CDKAL1: variants seen among roughly 807,000 people sequenced by gnomAD.
The protein encoded by CDKAL1 is CDKAL1 threonylcarbamoyladenosine tRNA methylthiotransferase, also known as threonylcarbamoyladenosine tRNA methylthiotransferase.
A neutral mutation model predicts 68.2 loss-of-function variants in CDKAL1; 32 were observed. That is an observed-to-expected ratio of 0.47 (90% CI 0.35 to 0.63). The LOEUF (loss-of-function observed/expected upper bound fraction) is 0.63. Among genes scored for constraint, CDKAL1 ranks in the 30% least tolerant of loss-of-function variants. The pLI, the probability that CDKAL1 is intolerant of heterozygous loss-of-function variation, is 0.00. For missense variants in CDKAL1, 606 were observed against 696.7 expected, an observed-to-expected ratio of 0.87 and a Z score of 1.47; for synonymous variants, 234 against 244.3, an observed-to-expected ratio of 0.96 and a Z score of 0.39.
intron 11 of CDKAL1, among the ~76,000 whole-genome samples, chr6:21,019,799 A>T (rs749057572): frequency 8.9e-4 from 135 of 152,342 alleles, no homozygotes; most frequent in Non-Finnish European, 1.4e-3. Context: ...TCATATGCTC[A>T]CAAGCCACTA....
intron 11 of CDKAL1, among the ~76,000 whole-genome samples, chr6:21,020,822 G>T (rs1216140769): frequency 2.0e-5 from 3 of 147,564 alleles, no homozygotes; most frequent in Non-Finnish European, 4.5e-5. Flanking sequence ...TGTTTCCTAG[G>T]CTTATCTTGA....
At chr6:21,036,012 T>C (rs1390996806) in intron 11 of CDKAL1, among the ~76,000 whole-genome samples, 1 of 152,046 alleles carries the variant, frequency 6.6e-6, no homozygotes, top group African/African-American at 2.4e-5. Context: ...TCCTTTGCGC[T>C]TGCATCAAGA....
At chr6:20,695,260 A>G (rs1209050130) in intron 5 of CDKAL1, among the ~76,000 whole-genome samples, 1 of 152,162 alleles carries the variant, frequency 6.6e-6, no homozygotes, top group Non-Finnish European at 1.5e-5. Context: ...CGCTGATGGG[A>G]GTATCCAGAA....
intron 9 of CDKAL1, among the ~76,000 whole-genome samples, chr6:20,862,635 TTGTGTGTG>T (rs56736298): frequency 3.4e-4 from 51 of 149,202 alleles, no homozygotes; most frequent in African/African-American, 8.5e-4. Flanking sequence ...TCTTTCCAAC[TTGTGTGTG>T]TGTGTGTGTG....
At chr6:20,875,718 C>G (rs936396618) in intron 9 of CDKAL1, among the ~76,000 whole-genome samples, 12 of 152,154 alleles carry the variant, frequency 7.9e-5, no homozygotes, top group Admixed American at 2.6e-4. Flanking sequence ...AATAATCTTA[C>G]AATTTATTAA....
chr6:20,595,665 C>G (rs1581787383), intron 4 of CDKAL1, among the ~76,000 whole-genome samples: 1 of 152,062 alleles, frequency 6.6e-6, no homozygotes, highest in East Asian at 1.9e-4. Context: ...CTTCTGAAGC[C>G]TACTTCTGTC....
chr6:20,844,006 T>G (rs906689966), intron 8 of CDKAL1, among the ~76,000 whole-genome samples: 1 of 152,056 alleles, frequency 6.6e-6, no homozygotes, highest in Non-Finnish European at 1.5e-5. Context: ...AGAACCCTGG[T>G]CTTCCAGTGT....
intron 4 of CDKAL1, among the ~76,000 whole-genome samples, chr6:20,645,608 G>A (rs1391958245): frequency 6.6e-6 from 1 of 151,974 alleles, no homozygotes; most frequent in East Asian, 1.9e-4. Flanking sequence ...GCAGGTGCCT[G>A]TAGTCCCAGC....
intron 12 of CDKAL1, among the ~76,000 whole-genome samples, chr6:21,090,693 AT>A (rs1375424534): frequency 6.6e-6 from 1 of 151,942 alleles, no homozygotes; most frequent in East Asian, 1.9e-4. Context: ...TTAGATTATT[AT>A]TTACCTTGTT....
intron 5 of CDKAL1, among the ~76,000 whole-genome samples, chr6:20,701,318 A>T (rs1245280256): frequency 8.1e-6 from 1 of 124,106 alleles, no homozygotes; most frequent in African/African-American, 3.2e-5. Context: ...TTCACATTTT[A>T]AAAAATCTGT....
At chr6:20,779,233 C>T (rs923853319) in intron 7 of CDKAL1, among the ~76,000 whole-genome samples, 1 of 152,162 alleles carries the variant, frequency 6.6e-6, no homozygotes, top group African/African-American at 2.4e-5. Flanking sequence ...GCAGTTGTTT[C>T]TTAAAATGTT....
intron 8 of CDKAL1, among the ~76,000 whole-genome samples, chr6:20,806,232 T>C (rs1776566081): frequency 1.3e-5 from 2 of 152,188 alleles, no homozygotes. Context: ...TGAGAACCTG[T>C]GGTATTTGGT....
rs574308725 is a variant in CDKAL1 at position 20,607,887 on chromosome 6, G to T, written c.287-41406G>T. 3.4e-3 allele frequency among the ~76,000 whole-genome samples: 523 copies of T among 152,108 alleles called. 6 individuals carry two copies. The highest frequency in any genetic ancestry group is 0.012 in the African/African-American group (503 of 41,492). On this transcript the variant is annotated intron_variant, in intron 4 of 15. Coordinates refer to ENST00000274695, the MANE Select transcript of CDKAL1 (RefSeq NM_017774.3). ...TTTTTGTATTTTTAGTAGAGATGGG[G>T]TTTCACCATGTTGGCCAGGTTGGTC...
At chr6:20,588,594 G>C (rs1353744698) in intron 4 of CDKAL1, among the ~76,000 whole-genome samples, 1 of 152,104 alleles carries the variant, frequency 6.6e-6, no homozygotes, top group African/African-American at 2.4e-5. Context: ...GCACTCCTAC[G>C]TTCGGTAGCT....
intron 5 of CDKAL1, among the ~76,000 whole-genome samples, chr6:20,655,804 A>T (rs772682357): frequency 6.6e-6 from 1 of 152,148 alleles, no homozygotes; most frequent in Non-Finnish European, 1.5e-5. Context: ...GATGACTCTA[A>T]GGTCTCTGGC....
intron 4 of CDKAL1, among the ~76,000 whole-genome samples, chr6:20,599,201 C>T (rs577175116): frequency 3.3e-5 from 5 of 149,708 alleles, no homozygotes; most frequent in Admixed American, 6.6e-5. Flanking sequence ...AGTAGATATA[C>T]GTACATATTA....
chr6:20,637,391 C>T lies in CDKAL1; in HGVS notation c.287-11902C>T, dbSNP rs1393100104. 3.9e-5 allele frequency among the ~76,000 whole-genome samples: 6 copies of T among 152,120 alleles called. No homozygotes were observed. In the East Asian group the frequency reaches 9.7e-4, roughly 25 times the overall value. ...CAGCCTGGCCAATATGGTGAAACCC[C>T]ACCTCAACTAAAAATACAAAAATTA... is the stretch of plus-strand genomic sequence containing the variant. On this transcript the variant is annotated intron_variant, in intron 4 of 15. Coordinates refer to ENST00000274695, the MANE Select transcript of CDKAL1 (RefSeq NM_017774.3).
At chr6:21,122,693 GCCACAATGATATAGC>G (rs936799946) in intron 13 of CDKAL1, among the ~76,000 whole-genome samples, 1 of 151,696 alleles carries the variant, frequency 6.6e-6, no homozygotes, top group African/African-American at 2.4e-5. Context: ...AGAGTACAGT[GCCACAATGATATAGC>G]TCACTGCAGC....
At chr6:21,180,408 A>G (rs1367389643) in intron 13 of CDKAL1, among the ~76,000 whole-genome samples, 2 of 151,712 alleles carry the variant, frequency 1.3e-5, no homozygotes. Flanking sequence ...ATACCAAATA[A>G]TACGTCAACT....
Sources: gnomAD v4.1 joint callset for allele counts (sites outside exome capture counted in the v4.1 genomes callset) on GRCh38, gnomAD v4.1.1 for gene constraint, MANE v1.5 for transcripts, NCBI Gene and HGNC (gene_info 2026-07-23, HGNC 2026-07-21) for gene names.